The following NFIX variants were observed in gnomAD, a reference collection of about 807,000 sequenced individuals.
NFIX encodes the protein nuclear factor I X.
In NFIX, 2 loss-of-function variants were observed where a neutral mutation model predicts 53.3. That is an observed-to-expected ratio of 0.04 (90% CI 0.02 to 0.12). The LOEUF (loss-of-function observed/expected upper bound fraction) is 0.12. Ranked by LOEUF, NFIX falls within the 10% of genes least tolerant of loss-of-function variation. The pLI, the probability that NFIX is intolerant of heterozygous loss-of-function variation, is 1.00. For synonymous variants in NFIX, 244 were observed against 289.0 expected (o/e 0.84, Z 1.58); for missense variants, 310 against 674.5 (o/e 0.46, Z 5.99).
chr19:13,026,956 C>T (rs2013415730), intron 2 of NFIX, among the ~76,000 whole-genome samples: 1 of 152,160 alleles, frequency 6.6e-6, no homozygotes, highest in Non-Finnish European at 1.5e-5. Context: ...TGTGGTCACC[C>T]CCTTGCCTGT....
chr19:13,019,677 G>A (rs2012856036), intron 1 of NFIX, among the ~76,000 whole-genome samples: 1 of 144,056 alleles, frequency 6.9e-6, no homozygotes, highest in Non-Finnish European at 1.5e-5. Context: ...GCATGGGTAT[G>A]TATTTTAGAA....
chr19:13,053,708 C>T (rs918401322), intron 2 of NFIX, among the ~76,000 whole-genome samples: 1 of 152,064 alleles, frequency 6.6e-6, no homozygotes. Flanking sequence ...GGGACATATA[C>T]CCCCACCAGT....
Position 13,064,115 on chromosome 19 carries a change from G to T in NFIX, c.560-8932G>T, listed in dbSNP as rs923478714. ...GGGCCCCTCTCTTTTCTTGACATGTGGGGTATGGAGGGCATTCTCCACTGT... is the reference window on the plus strand; with the variant it reads ...GGGCCCCTCTCTTTTCTTGACATGTTGGGTATGGAGGGCATTCTCCACTGT... On this transcript the variant is annotated intron_variant, in intron 2 of 10. Transcript: ENST00000592199. 7.2e-5 allele frequency among the ~76,000 whole-genome samples: 11 copies of T among 152,320 alleles called. No homozygotes were observed. In the South Asian group the frequency reaches 2.3e-3, roughly 32 times the overall value.
Position 13,045,638 on chromosome 19 carries a change from G to A in NFIX, c.559+20086G>A, listed in dbSNP as rs2014934884. ...ACGGTGCTCAGCAGTCTGTTGCCAGGGAGGTAGGAGAGAGGGGCAGCAGGC... is the reference window on the plus strand; with the variant it reads ...ACGGTGCTCAGCAGTCTGTTGCCAGAGAGGTAGGAGAGAGGGGCAGCAGGC... On this transcript the variant is annotated intron_variant, in intron 2 of 10. Transcript: ENST00000592199. The surrounding 1 kb of genome is among the most constrained non-coding windows in gnomAD (Gnocchi z 4.4). Among the ~76,000 whole-genome samples, 3 of 152,164 alleles carry A rather than the reference G, an allele frequency of 2.0e-5. No individual in the cohort carries two copies. Among genetic ancestry groups the A allele is most frequent in the African/African-American group, 7.2e-5 (3 of 41,426 alleles).
chr19:13,090,329 A>T lies in NFIX; in HGVS notation c.1433A>T (p.Asn478Ile). The part of the protein sequence containing the change: ...SFATTGASSA[N>I]RFVSIGPRDG... ...GCAACGACAGGCGCCTCCTCTGCCA[A>T]CCGGTTTGTCAGCATCGGACCCCGG... Residue 478 changes from asparagine to isoleucine, a missense_variant, in exon 10 of 11, where the codon AAC becomes ATC. By Grantham distance (149) the Asn-to-Ile change is moderately radical. This residue lies in a region of NFIX where 44 missense variants were observed against 73.4 expected (regional missense o/e 0.60). Transcript: ENST00000592199. The surrounding 1 kb of genome is among the most constrained non-coding windows in gnomAD (Gnocchi z 6.6). 4.3e-6 allele frequency: 7 copies of T among 1,613,898 alleles called. No individual in the cohort carries two copies. Among genetic ancestry groups the T allele is most frequent in the Non-Finnish European group, 5.9e-6 (7 of 1,179,868 alleles).
In NFIX at chr19:13,002,560, CG is replaced by C. The variant is rs2011770949; in HGVS notation, c.27+6700del. 6.6e-6 allele frequency among the ~76,000 whole-genome samples: 1 copy of C among 150,560 alleles called. No homozygotes were observed. The highest frequency in any genetic ancestry group is 2.4e-5 in the African/African-American group (1 of 41,046). ...TGGGCAGGGTGACTGAGCTGCCCGG[CG>C]GGGCGGGCGGGCAGGGAGGGGTCGG... On this transcript the variant is annotated intron_variant, in intron 1 of 10. Transcript: ENST00000592199. This position sits in a 1 kb window ranked among gnomAD's most constrained non-coding sequence, Gnocchi z 6.1.
Position 13,068,054 on chromosome 19 carries a change from G to C in NFIX, c.560-4993G>C, listed in dbSNP as rs1022967760. On this transcript the variant is annotated intron_variant, in intron 2 of 10. Transcript: ENST00000592199. The surrounding 1 kb of genome is among the most constrained non-coding windows in gnomAD (Gnocchi z 4.2). ...CAGGAGGTGGGGCTTGCAGTGAGCC[G>C]AGATCGCACCACTGCACTCCAGCCT... 1.3e-5 allele frequency among the ~76,000 whole-genome samples: 2 copies of C among 151,692 alleles called. No homozygotes were observed. The highest frequency in any genetic ancestry group is 1.3e-4 in the Admixed American group (2 of 15,240).
At chr19:13,042,908 G>C (rs2014737047) in intron 2 of NFIX, among the ~76,000 whole-genome samples, 1 of 152,168 alleles carries the variant, frequency 6.6e-6, no homozygotes, top group Admixed American at 6.5e-5. Flanking sequence ...CGTCCATCCT[G>C]TTAAATTGCC....
chr19:13,034,531 G>C (rs1272180378), intron 2 of NFIX, among the ~76,000 whole-genome samples: 1 of 152,232 alleles, frequency 6.6e-6, no homozygotes, highest in Non-Finnish European at 1.5e-5. Flanking sequence ...GAGGCAGGAA[G>C]TCTAGGTGTG....
In NFIX at chr19:13,078,603, C is replaced by T. The variant is rs1457383854; in HGVS notation, c.956-10C>T. The stretch of plus-strand genomic sequence containing the variant: ...TAAACCTGCCCTGTGTTGCTGCTTC[C>T]TCCCCCCAGGCCCGGCTTCTCTAAA... On this transcript the variant is annotated splice_polypyrimidine_tract_variant and intron_variant, in intron 6 of 10. Coordinates refer to ENST00000592199, the MANE Select transcript of NFIX (RefSeq NM_001365902.3). This position sits in a 1 kb window ranked among gnomAD's most constrained non-coding sequence, Gnocchi z 4.7. 1.9e-6 allele frequency: 3 copies of T among 1,596,606 alleles called. No individual in the cohort carries two copies. The highest frequency in any genetic ancestry group is 4.5e-5 in the East Asian group (2 of 43,972).
chr19:13,003,656 T>C (rs910506595), intron 1 of NFIX, among the ~76,000 whole-genome samples: 2 of 152,054 alleles, frequency 1.3e-5, no homozygotes, highest in South Asian at 4.1e-4. Context: ...TTTTTTTTTT[T>C]AGAGACAGAC....
chr19:13,072,984 C>G lies in NFIX; in HGVS notation c.560-63C>G. 6.6e-7 allele frequency: 1 copy of G among 1,525,276 alleles called. No individual in the cohort carries two copies. 94.5% of individuals were successfully genotyped at this position (1,525,276 alleles called of 1,614,324 possible). A position where few individuals can be genotyped will look rare whatever the true frequency, so the allele number is the denominator to read the frequency against. ...TTGCACCAGGCTGGAGGGGCCAATG[C>G]TTGGCTGGTGCTTATGGGGAACTTT... is the stretch of plus-strand genomic sequence containing the variant. On this transcript the variant is annotated intron_variant, in intron 2 of 10. Transcript: ENST00000592199. The surrounding 1 kb of genome is among the most constrained non-coding windows in gnomAD (Gnocchi z 4.0).
intron 7 of NFIX, among the ~76,000 whole-genome samples, chr19:13,080,718 T>C (rs531534117): frequency 1.3e-5 from 2 of 152,082 alleles, no homozygotes; most frequent in South Asian, 4.1e-4. Context: ...TAACAGATAC[T>C]GGCTGGGCGC....
chr19:13,083,327 T>C (rs2017583805), intron 8 of NFIX, among the ~76,000 whole-genome samples: 1 of 152,156 alleles, frequency 6.6e-6, no homozygotes. Flanking sequence ...TTACCTTACC[T>C]GCTTTCTTAA....
rs2013284492 is a variant in NFIX at position 13,025,700 on chromosome 19, T to C, written c.559+148T>C. The C allele has an allele frequency of 2.3e-6, 2 of 887,330 alleles. No individual in the cohort carries two copies. The highest frequency in any genetic ancestry group is 3.4e-6 in the Non-Finnish European group (2 of 596,870). The allele number at this position is 887,330 out of a possible 1,614,324, so 55.0% of individuals were successfully genotyped here. A position where few individuals can be genotyped will look rare whatever the true frequency, so the allele number is the denominator to read the frequency against. On this transcript the variant is annotated intron_variant, in intron 2 of 10. Coordinates refer to ENST00000592199, the MANE Select transcript of NFIX (RefSeq NM_001365902.3). This position sits in a 1 kb window ranked among gnomAD's most constrained non-coding sequence, Gnocchi z 7.5. ...CTGCGGGGCCTGCAACACGGTTCTA[T>C]GGGCCCTTTTCCTTTTTCCTGTCTT...
chr19:13,071,391 G>A (rs1225006144), intron 2 of NFIX: 2 of 152,158 alleles, frequency 1.3e-5, no homozygotes, highest in Middle Eastern at 3.2e-3. Flanking sequence ...ACCATGCTAT[G>A]GCACAGAGAG....
Position 13,093,724 on chromosome 19 carries a change from C to A in NFIX, c.1495-911C>A, listed in dbSNP as rs1398637278. Among the ~76,000 whole-genome samples the A allele has an allele frequency of 6.6e-6, 1 of 152,158 alleles. No individual in the cohort carries two copies. Among genetic ancestry groups the A allele is most frequent in the Non-Finnish European group, 1.5e-5 (1 of 68,016 alleles). On this transcript the variant is annotated intron_variant, in intron 10 of 10. Coordinates refer to ENST00000592199, the MANE Select transcript of NFIX (RefSeq NM_001365902.3). This position sits in a 1 kb window ranked among gnomAD's most constrained non-coding sequence, Gnocchi z 4.7. ...GAGTCTGTGACAGCCTGGGAGAGGT[C>A]CCAAGATGCATTTTCAGGGACCCTC...
At position 13,011,085 on chromosome 19, in the gene NFIX, C is replaced by T. The variant is rs183437571; in HGVS notation, c.28-13936C>T. Among the ~76,000 whole-genome samples the T allele has an allele frequency of 2.1e-3, 321 of 152,332 alleles. 2 individuals carry two copies. Among genetic ancestry groups the T allele is most frequent in the Middle Eastern group, 0.014 (4 of 294 alleles). ...CACCCCCACTAGGCTTCGACCCAAA[C>T]CTGCAAAAACCATTTCGCCAGGCAG... On this transcript the variant is annotated intron_variant, in intron 1 of 10. Coordinates refer to ENST00000592199, the MANE Select transcript of NFIX (RefSeq NM_001365902.3). The surrounding 1 kb of genome is among the most constrained non-coding windows in gnomAD (Gnocchi z 6.5).
chr19:13,061,405 G>A (rs1211911641), intron 2 of NFIX, among the ~76,000 whole-genome samples: 7 of 152,238 alleles, frequency 4.6e-5, no homozygotes, highest in Admixed American at 4.6e-4. Context: ...CCAGTGGCCT[G>A]GGCCTGAGTG....
Sources: gnomAD v4.1 joint callset for allele counts (sites outside exome capture counted in the v4.1 genomes callset) on GRCh38, gnomAD v4.1.1 for gene constraint, gnomAD v4.1.1 regional missense constraint, Gnocchi (gnomAD v3.1) non-coding constraint, MANE v1.5 for transcripts, NCBI Gene and HGNC (gene_info 2026-07-23, HGNC 2026-07-21) for gene names.